The following TRIP11 variants were observed in gnomAD, a reference collection of about 807,000 sequenced individuals.
TRIP11 encodes thyroid hormone receptor interactor 11.
TRIP11 carries 148 observed loss-of-function variants against 223.1 expected under a neutral mutation model. That is an observed-to-expected ratio of 0.66 (90% CI 0.58 to 0.76). The LOEUF is 0.76. Among genes scored for constraint, TRIP11 ranks in the 30% least tolerant of loss-of-function variants. The pLI is 0.00. For synonymous variants in TRIP11, 762 were observed against 772.6 expected (o/e 0.99, Z 0.23); for missense variants, 2,043 against 2,222.0 (o/e 0.92, Z 1.62).
rs900917117 is a variant in TRIP11 at position 92,006,588 on chromosome 14, A to G, written c.1528-140T>C. ...TCTTAAAAACATTGTTTTTCTATCAAAAACACCCACTACAAAATTACTTAT... is the reference window on the plus strand; with the variant it reads ...TCTTAAAAACATTGTTTTTCTATCAGAAACACCCACTACAAAATTACTTAT... On this transcript the variant is annotated intron_variant, in intron 10 of 20. Transcript: ENST00000267622. 1.3e-5 allele frequency: 12 copies of G among 952,250 alleles called. No homozygotes were observed. In the East Asian group the frequency reaches 2.7e-4, roughly 21 times the overall value. 59.0% of individuals were successfully genotyped at this position (952,250 alleles called of 1,614,324 possible).
At chr14:91,985,117 A>G (rs546502135) in intron 16 of TRIP11, among the ~76,000 whole-genome samples, 59 of 152,326 alleles carry the variant, frequency 3.9e-4, no homozygotes, top group African/African-American at 1.4e-3. Context: ...CCTTTTCTCC[A>G]TGGAATGCTG....
chr14:92,039,845 T>G lies in TRIP11; in HGVS notation c.-160A>C. The stretch of plus-strand genomic sequence containing the variant: ...GGCAAGGCCGACTCCAGGTTCTGCC[T>G]AGAAACGCAGAGGCCTGGCCTGGAA... On this transcript the variant is annotated 5_prime_UTR_variant, in exon 1 of 21. It removes the in-frame stop codon of an upstream open reading frame in the 5' UTR. Coordinates refer to ENST00000267622, the MANE Select transcript of TRIP11 (RefSeq NM_004239.4). The G allele has an allele frequency of 6.8e-7, 1 of 1,478,612 alleles. No homozygotes were observed. 91.6% of individuals were successfully genotyped at this position (1,478,612 alleles called of 1,614,324 possible).
At chr14:91,998,544 TCA>T (rs934890978) in intron 13 of TRIP11, among the ~76,000 whole-genome samples, 7 of 152,036 alleles carry the variant, frequency 4.6e-5, no homozygotes, top group Admixed American at 4.6e-4. Context: ...TATTATAATC[TCA>T]GTTTTGCTTT....
intron 19 of TRIP11, among the ~76,000 whole-genome samples, chr14:91,973,643 A>C (rs2056427013): frequency 2.0e-5 from 3 of 152,164 alleles, no homozygotes; most frequent in Admixed American, 2.0e-4. Flanking sequence ...CCTTTCCTTT[A>C]AATTAAATTT....
At chr14:91,972,331 A>G (rs2056410164) in intron 20 of TRIP11, among the ~76,000 whole-genome samples, 1 of 152,212 alleles carries the variant, frequency 6.6e-6, no homozygotes, top group African/African-American at 2.4e-5. Context: ...TATAAACTAC[A>G]CATCTAACTC....
chr14:92,010,546 A>T (rs2056959059), intron 9 of TRIP11, among the ~76,000 whole-genome samples: 2 of 152,026 alleles, frequency 1.3e-5, no homozygotes, highest in Admixed American at 6.6e-5. Context: ...AAAAAAAAAT[A>T]GAACTTCTTT....
chr14:91,980,632 A>G (rs2056525988), intron 16 of TRIP11, among the ~76,000 whole-genome samples: 1 of 152,190 alleles, frequency 6.6e-6, no homozygotes, highest in African/African-American at 2.4e-5. Context: ...TCTAGCCTGA[A>G]TCAGTATCAC....
rs2056348888 is a variant in TRIP11 at position 91,967,134 on chromosome 14, G to GTTTTTTTT, written c.*2538_*2539insAAAAAAAA. 8.8e-6 allele frequency: 1 copy of GTTTTTTTT among 113,828 alleles called. No individual in the cohort carries two copies. Among genetic ancestry groups the GTTTTTTTT allele is most frequent in the Non-Finnish European group, 1.7e-5 (1 of 58,660 alleles). The allele number at this position is 113,828 out of a possible 1,614,324, so 7.1% of individuals were successfully genotyped here. A position where few individuals can be genotyped will look rare whatever the true frequency, so the allele number is the denominator to read the frequency against. ...CACAATGAAAACATTAGGTACTATA[G>GTTTTTTTT]CTTTTTTTTTTTTTTTTTTTTTTTT... is the stretch of plus-strand genomic sequence containing the variant. On this transcript the variant is annotated 3_prime_UTR_variant, in exon 21 of 21. Transcript: ENST00000267622.
intron 7 of TRIP11, among the ~76,000 whole-genome samples, chr14:92,013,895 G>C (rs2057004019): frequency 1.3e-5 from 2 of 152,182 alleles, no homozygotes; most frequent in Non-Finnish European, 2.9e-5. Context: ...TCAGGGCTTT[G>C]CTTGGATATA....
At chr14:91,999,028 TAA>T (rs766351851) in intron 13 of TRIP11, among the ~76,000 whole-genome samples, 20 of 152,278 alleles carry the variant, frequency 1.3e-4, no homozygotes, top group Non-Finnish European at 2.5e-4. Context: ...ATGCCAGATC[TAA>T]AGAGTCACAG....
chr14:92,004,771 G>C lies in TRIP11; in HGVS notation c.3205C>G (p.Gln1069Glu), dbSNP rs2056876150. 6.2e-7 allele frequency: 1 copy of C among 1,614,028 alleles called. No individual in the cohort carries two copies. The highest frequency in any genetic ancestry group is 1.7e-5 in the Admixed American group (1 of 60,008). ...GAAGAAATTCTAGCATGAAGAGCTTGTATCTCCAAATCTTTCTGCTGAATA... is the reference window on the plus strand; with the variant it reads ...GAAGAAATTCTAGCATGAAGAGCTTCTATCTCCAAATCTTTCTGCTGAATA... ...QIIQQKDLEI[Q>E]ALHARISSTS... is the part of the protein sequence containing the mutation. Residue 1069 changes from glutamine to glutamate, a missense_variant, in exon 11 of 21, where the codon CAA becomes GAA. Coordinates refer to ENST00000267622, the MANE Select transcript of TRIP11 (RefSeq NM_004239.4).
chr14:92,018,215 C>T (rs1314846289), intron 4 of TRIP11, among the ~76,000 whole-genome samples: 1 of 151,860 alleles, frequency 6.6e-6, no homozygotes, highest in African/African-American at 2.4e-5. Flanking sequence ...CCACCTCAGC[C>T]TTCCAAGTAG....
chr14:91,994,462 T>C (rs918425406), intron 14 of TRIP11, among the ~76,000 whole-genome samples: 6 of 152,112 alleles, frequency 3.9e-5, no homozygotes, highest in African/African-American at 1.4e-4. Context: ...CAGGCTGGTC[T>C]TGAACTCCTG....
chr14:91,984,945 G>A (rs1178431793), intron 16 of TRIP11, among the ~76,000 whole-genome samples: 1 of 152,172 alleles, frequency 6.6e-6, no homozygotes, highest in Non-Finnish European at 1.5e-5. Flanking sequence ...AAGGATAGCA[G>A]TAATTCTTTT....
rs550272150 is a variant in TRIP11 at position 92,011,651 on chromosome 14, C to A, written c.1227+104G>T. On this transcript the variant is annotated intron_variant, in intron 8 of 20. Transcript: ENST00000267622. ...AACTTCTAATTATTAGAAAAAGAAA[C>A]AACTCTTTGAATCTCTTAAGGAAAA... The A allele has an allele frequency of 1.7e-4, 146 of 880,842 alleles. No homozygotes were observed. In the South Asian group the frequency reaches 2.1e-3, roughly 13 times the overall value. The allele number at this position is 880,842 out of a possible 1,614,324, so 54.6% of individuals were successfully genotyped here.
At chr14:92,029,457 G>A (rs1441016430) in intron 2 of TRIP11, among the ~76,000 whole-genome samples, 5 of 151,512 alleles carry the variant, frequency 3.3e-5, no homozygotes, top group African/African-American at 7.3e-5. Context: ...TACCACACCC[G>A]GCTAATTTTT....
chr14:92,025,493 G>T, intron 2 of TRIP11, 73 bp from the exon 3 acceptor site: 1 of 1,055,190 alleles, frequency 9.5e-7, no homozygotes, highest in African/African-American at 1.7e-5. Context: ...ACAGCATTAT[G>T]AAAAACGTAC....
In TRIP11 at chr14:92,005,821, C is replaced by A; in HGVS notation, c.2155G>T (p.Gly719Ter). The A allele has an allele frequency of 1.2e-6, 2 of 1,614,054 alleles. No individual in the cohort carries two copies. The highest frequency in any genetic ancestry group is 1.7e-6 in the Non-Finnish European group (2 of 1,180,016). The change falls in exon 11 of 21, where the codon GGA (glycine) becomes TGA (stop). Residue 719 changes from glycine (G) to a stop codon, truncating the protein, a stop_gained. Transcript: ENST00000267622. LOFTEE classifies it high-confidence loss of function. Reference sequence around the variant, plus strand: ...CAACACAATTCTGCCTCTATCTCTCCTTTTTCCATTTTTAGAGTCTCCACA... The same window carrying A: ...CAACACAATTCTGCCTCTATCTCTCATTTTTCCATTTTTAGAGTCTCCACA... ...TIVETLKMEK[G>*]EIEAELCWAK...
chr14:91,973,174 C>T (rs534528753), intron 19 of TRIP11, among the ~76,000 whole-genome samples: 10 of 151,954 alleles, frequency 6.6e-5, no homozygotes, highest in Non-Finnish European at 1.3e-4. Context: ...TACAGGTGCA[C>T]GCCACCACGC....
Sources: allele counts gnomAD v4.1 joint callset (sites outside exome capture counted in the v4.1 genomes callset), GRCh38; gene constraint gnomAD v4.1.1; transcripts MANE v1.5; gene names NCBI Gene and HGNC (gene_info 2026-07-23, HGNC 2026-07-21).